CNTNAP5: variants seen among roughly 807,000 people sequenced by gnomAD.
CNTNAP5 encodes contactin associated protein family member 5, also known as contactin-associated protein-like 5.
A neutral mutation model predicts 150.2 loss-of-function variants in CNTNAP5; 72 were observed. The ratio of observed to expected loss-of-function variants is 0.48; its 90% CI spans 0.40 to 0.58. The LOEUF is 0.58. Among genes scored for constraint, CNTNAP5 ranks in the 20% least tolerant of loss-of-function variants. CNTNAP5 has a pLI of 0.00. For missense variants in CNTNAP5, 1,636 were observed against 1,626.2 expected (o/e 1.01, Z -0.10); for synonymous variants, 672 against 619.8 (o/e 1.08, Z -1.25).
intron 2 of CNTNAP5, among the ~76,000 whole-genome samples, chr2:124,222,084 T>C (rs1436445838): frequency 6.6e-6 from 1 of 152,150 alleles, no homozygotes; most frequent in Non-Finnish European, 1.5e-5. Flanking sequence ...AAGCACTTGC[T>C]TTATTTTTAT....
chr2:124,410,390 G>C (rs59182622), intron 3 of CNTNAP5, among the ~76,000 whole-genome samples: 2,518 of 149,592 alleles, frequency 0.017, 44 homozygotes, highest in East Asian at 0.11. Context: ...TAATAGACAT[G>C]TACAGAACTC....
intron 12 of CNTNAP5, among the ~76,000 whole-genome samples, chr2:124,611,732 A>G (rs1677388998): frequency 6.6e-6 from 1 of 152,200 alleles, no homozygotes; most frequent in Admixed American, 6.5e-5. Flanking sequence ...AAAAACAGGG[A>G]AAGTAATTTG....
At chr2:124,598,458 G>T (rs1696886184) in intron 11 of CNTNAP5, among the ~76,000 whole-genome samples, 1 of 144,332 alleles carries the variant, frequency 6.9e-6, no homozygotes, top group Non-Finnish European at 1.5e-5. Context: ...GGCTGCTCGG[G>T]GGTCAGGGGT....
intron 3 of CNTNAP5, among the ~76,000 whole-genome samples, chr2:124,308,701 T>C (rs906917104): frequency 1.3e-5 from 2 of 152,244 alleles, no homozygotes; most frequent in Non-Finnish European, 2.9e-5. Flanking sequence ...GGTGTTTTAA[T>C]GTTTTTGCAA....
chr2:124,246,645 A>T (rs139701128), intron 3 of CNTNAP5, among the ~76,000 whole-genome samples: 1 of 152,178 alleles, frequency 6.6e-6, no homozygotes, highest in African/African-American at 2.4e-5. Context: ...CTTTTGAAAG[A>T]TATGCCAGAA....
chr2:124,736,434 G>A (rs1237780468), intron 13 of CNTNAP5, among the ~76,000 whole-genome samples: 2 of 152,078 alleles, frequency 1.3e-5, no homozygotes, highest in African/African-American at 4.8e-5. Context: ...TGAAGAACTT[G>A]ATGGCAGGAT....
rs1682063187 is a variant in CNTNAP5 at position 124,805,487 on chromosome 2, G to T, written c.3217+7167G>T. On this transcript the variant is annotated intron_variant, in intron 19 of 23. Coordinates refer to ENST00000682447, the MANE Select transcript of CNTNAP5 (RefSeq NM_001367498.1). ...CTCAACCCCAACAACTTTGGCTGTG[G>T]AGCTAGCTGGGCAGCATGTGCCAGC... 2.6e-5 allele frequency among the ~76,000 whole-genome samples: 4 copies of T among 152,238 alleles called. No individual in the cohort carries two copies. The South Asian group carries it at 8.3e-4, about 32-fold the overall frequency.
intron 3 of CNTNAP5, among the ~76,000 whole-genome samples, chr2:124,332,068 C>T (rs1689362202): frequency 6.6e-6 from 1 of 151,608 alleles, no homozygotes; most frequent in Non-Finnish European, 1.5e-5. Flanking sequence ...CTTTTTAAGA[C>T]ATTTTACAAC....
Position 124,474,900 on chromosome 2 carries a change from T to C in CNTNAP5, c.1062+18T>C. 2 of 1,585,440 alleles carry C rather than the reference T, an allele frequency of 1.3e-6. No individual in the cohort carries two copies. The highest frequency in any genetic ancestry group is 2.3e-5 in the East Asian group (1 of 43,374). ...ATACTGTGGTAAGTCAGCCCATCTG[T>C]TTTGTCTTGATGGTTTCTACCACTT... On this transcript the variant is annotated intron_variant, in intron 7 of 23. Transcript: ENST00000682447.
At chr2:124,531,667 C>T (rs1695112552) in intron 10 of CNTNAP5, among the ~76,000 whole-genome samples, 1 of 152,160 alleles carries the variant, frequency 6.6e-6, no homozygotes, top group South Asian at 2.1e-4. Context: ...TCTCAAGGTC[C>T]CATAGGGCTG....
At chr2:124,696,251 G>T (rs1679405045) in intron 13 of CNTNAP5, among the ~76,000 whole-genome samples, 1 of 152,130 alleles carries the variant, frequency 6.6e-6, no homozygotes, top group South Asian at 2.1e-4. Flanking sequence ...CCAGTAGCAA[G>T]AATTCTTTTG....
chr2:124,772,037 T>A (rs1333442908), intron 16 of CNTNAP5, among the ~76,000 whole-genome samples: 1 of 150,654 alleles, frequency 6.6e-6, no homozygotes, highest in African/African-American at 2.4e-5. Context: ...ACCACCCCCA[T>A]CAGCACCACC....
intron 11 of CNTNAP5, 43 bp from the exon 12 acceptor site, chr2:124,609,758 A>G (rs766562958): frequency 1.9e-6 from 3 of 1,605,104 alleles, no homozygotes; most frequent in East Asian, 2.2e-5. Context: ...AGGGATATGC[A>G]GAGCCAAGCA....
At chr2:124,618,694 G>A (rs1677540905) in intron 12 of CNTNAP5, among the ~76,000 whole-genome samples, 2 of 152,158 alleles carry the variant, frequency 1.3e-5, no homozygotes, top group South Asian at 4.2e-4. Context: ...GGCTGGAGAT[G>A]TGCAGAAAGT....
intron 13 of CNTNAP5, among the ~76,000 whole-genome samples, chr2:124,694,550 C>T (rs1414143871): frequency 1.3e-5 from 2 of 152,156 alleles, no homozygotes; most frequent in Non-Finnish European, 2.9e-5. Flanking sequence ...GATTATAATA[C>T]ATGTAAACAC....
intron 1 of CNTNAP5, among the ~76,000 whole-genome samples, chr2:124,123,078 TGCA>T (rs1393290144): frequency 1.3e-5 from 2 of 151,800 alleles, no homozygotes; most frequent in South Asian, 4.2e-4. Flanking sequence ...GGACACTGGG[TGCA>T]GCCCATGGAG....
At chr2:124,507,576 A>G (rs191792101) in intron 8 of CNTNAP5, among the ~76,000 whole-genome samples, 1 of 152,342 alleles carries the variant, frequency 6.6e-6, no homozygotes, top group Non-Finnish European at 1.5e-5. Context: ...TGGTCTTAAA[A>G]TGTAGGTGAA....
intron 14 of CNTNAP5, among the ~76,000 whole-genome samples, chr2:124,762,541 A>C (rs1214938477): frequency 6.6e-6 from 1 of 152,102 alleles, no homozygotes; most frequent in Non-Finnish European, 1.5e-5. Context: ...TAGATCAGGC[A>C]CCATGCTAAG....
intron 6 of CNTNAP5, among the ~76,000 whole-genome samples, chr2:124,455,389 G>A (rs75557126): frequency 0.022 from 3,315 of 152,052 alleles, 73 homozygotes; most frequent in South Asian, 0.054. Context: ...AACAAGCAGC[G>A]ATATTGAAAT....
Sources: allele counts gnomAD v4.1 joint callset (sites outside exome capture counted in the v4.1 genomes callset), GRCh38; gene constraint gnomAD v4.1.1; transcripts MANE v1.5; gene names NCBI Gene and HGNC (gene_info 2026-07-23, HGNC 2026-07-21).